The following CPVL variants were observed in gnomAD, a reference collection of about 807,000 sequenced individuals.
CPVL encodes carboxypeptidase vitellogenic like.
In CPVL, 51 loss-of-function variants were observed where a neutral mutation model predicts 63.7. The ratio of observed to expected loss-of-function variants is 0.80; its 90% CI spans 0.64 to 1.01. The LOEUF (loss-of-function observed/expected upper bound fraction) is 1.01. CPVL is among the 50% of genes least tolerant of loss of function. The probability of loss-of-function intolerance (pLI) is 0.00; values close to 1 mark genes in which losing one functional copy is unlikely to be tolerated. For synonymous variants in CPVL, 195 were observed against 206.0 expected (o/e 0.95, Z 0.46); for missense variants, 530 against 573.1 (o/e 0.92, Z 0.77).
At chr7:29,076,125 C>G (rs1784223171) in intron 7 of CPVL, among the ~76,000 whole-genome samples, 1 of 151,778 alleles carries the variant, frequency 6.6e-6, no homozygotes, top group African/African-American at 2.4e-5. Context: ...TTTATAGAAC[C>G]CCATATTTCA....
intron 1 of CPVL, among the ~76,000 whole-genome samples, chr7:29,144,163 A>C (rs569556997): frequency 6.6e-6 from 1 of 152,170 alleles, no homozygotes; most frequent in East Asian, 1.9e-4. Flanking sequence ...ACTTCTTTTA[A>C]ATGTTCTTAG....
chr7:29,106,849 A>G (rs116977180), intron 3 of CPVL, among the ~76,000 whole-genome samples: 3 of 152,260 alleles, frequency 2.0e-5, no homozygotes, highest in Non-Finnish European at 4.4e-5. Flanking sequence ...TCTCTCCAAA[A>G]CTTAATGGCT....
chr7:29,103,747 A>G (rs534202444), intron 3 of CPVL, among the ~76,000 whole-genome samples: 2 of 152,338 alleles, frequency 1.3e-5, no homozygotes, highest in Admixed American at 6.5e-5. Flanking sequence ...ACGCTTGGTT[A>G]GAGAAAACAG....
chr7:29,101,329 G>A (rs1052463891), intron 3 of CPVL, among the ~76,000 whole-genome samples: 2 of 152,168 alleles, frequency 1.3e-5, no homozygotes, highest in Non-Finnish European at 2.9e-5. Flanking sequence ...GGCTGGGCGC[G>A]GTGGCTCATG....
intron 11 of CPVL, among the ~76,000 whole-genome samples, chr7:29,061,523 T>G (rs1275981632): frequency 6.6e-6 from 1 of 152,202 alleles, no homozygotes; most frequent in Non-Finnish European, 1.5e-5. Context: ...AATATCAAAA[T>G]GCAGGATCAC....
At chr7:29,144,370 G>C (rs1792223072) in intron 1 of CPVL, among the ~76,000 whole-genome samples, 1 of 152,108 alleles carries the variant, frequency 6.6e-6, no homozygotes, top group Non-Finnish European at 1.5e-5. Flanking sequence ...AGACCAGCCT[G>C]GGCAACATGG....
rs555263823 is a variant in CPVL at position 29,189,668 on chromosome 7, T to C, written c.-447-3121A>G. On this transcript the variant is annotated intron_variant, in intron 1 of 16. Transcript: ENST00000409850. ...TTTCTCTTCAAACAGAAAGAAAAAC[T>C]CTCTCTCTCTCGGCCCCCCACCCCC... Among the ~76,000 whole-genome samples the C allele has an allele frequency of 9.9e-5, 15 of 151,734 alleles. No individual in the cohort carries two copies. In the South Asian group the frequency reaches 1.5e-3, roughly 15 times the overall value.
intron 3 of CPVL, among the ~76,000 whole-genome samples, chr7:29,099,439 T>C (rs55984130): frequency 0.011 from 1,622 of 152,196 alleles, 26 homozygotes; most frequent in African/African-American, 0.036. Context: ...AGGCTGGGTA[T>C]GGTGGCGCAT....
intron 3 of CPVL, among the ~76,000 whole-genome samples, chr7:29,097,619 C>G (rs1351849285): frequency 6.6e-6 from 1 of 152,148 alleles, no homozygotes; most frequent in Non-Finnish European, 1.5e-5. Flanking sequence ...TCCCTTGAAC[C>G]AGGGAGGCAG....
chr7:29,126,317 T>G (rs1362552987), intron 1 of CPVL: 2 of 152,192 alleles, frequency 1.3e-5, no homozygotes, highest in Admixed American at 1.3e-4. Flanking sequence ...AATCAGGCCT[T>G]CTTTTTTTCA....
chr7:29,109,981 C>CA (rs1298053957), intron 3 of CPVL, among the ~76,000 whole-genome samples: 5 of 152,164 alleles, frequency 3.3e-5, no homozygotes, highest in African/African-American at 1.2e-4. Flanking sequence ...GCCAAAGCAC[C>CA]ACCTACATTC....
intron 2 of CPVL, among the ~76,000 whole-genome samples, chr7:29,115,964 T>C (rs1166774321): frequency 6.6e-6 from 1 of 152,156 alleles, no homozygotes; most frequent in Non-Finnish European, 1.5e-5. Flanking sequence ...ACCTTTTACT[T>C]GAGTATGTTT....
chr7:29,052,343 C>G (rs1210438235), intron 11 of CPVL, among the ~76,000 whole-genome samples: 1 of 149,128 alleles, frequency 6.7e-6, no homozygotes, highest in Non-Finnish European at 1.5e-5. Flanking sequence ...TTCACACACC[C>G]AAATTGTGAA....
intron 6 of CPVL, among the ~76,000 whole-genome samples, chr7:29,090,728 A>C (rs1156642091): frequency 6.6e-6 from 1 of 152,250 alleles, no homozygotes; most frequent in Non-Finnish European, 1.5e-5. Context: ...ATTGTGACTA[A>C]ATAGCATATT....
At chr7:29,091,228 G>A (rs977512806) in intron 6 of CPVL, among the ~76,000 whole-genome samples, 4 of 152,198 alleles carry the variant, frequency 2.6e-5, no homozygotes, top group Admixed American at 6.5e-5. Flanking sequence ...CCATATGGAG[G>A]GGCAACTGGA....
intron 11 of CPVL, among the ~76,000 whole-genome samples, chr7:29,031,181 G>T (rs895281637): frequency 6.6e-6 from 1 of 152,148 alleles, no homozygotes; most frequent in African/African-American, 2.4e-5. Context: ...TTTCTCTTGG[G>T]TATTGCTAAT....
chr7:29,007,202 T>C (rs960571421), intron 12 of CPVL, among the ~76,000 whole-genome samples: 6 of 152,196 alleles, frequency 3.9e-5, no homozygotes, highest in Non-Finnish European at 1.5e-5. Flanking sequence ...CCTCAATAAA[T>C]AGATTTGCTA....
intron 12 of CPVL, among the ~76,000 whole-genome samples, chr7:29,001,677 A>G (rs1004594747): frequency 1.3e-5 from 2 of 152,124 alleles, no homozygotes; most frequent in African/African-American, 2.4e-5. Context: ...CCCACTGTAC[A>G]CCTCTGGTGT....
upstream of CPVL, among the ~76,000 whole-genome samples, chr7:29,148,849 AGT>A (rs1295404121): frequency 1.3e-5 from 2 of 152,186 alleles, no homozygotes; most frequent in Non-Finnish European, 1.5e-5. Context: ...GGGCTGATAA[AGT>A]GTGTGTGTGG....
Sources: allele counts gnomAD v4.1 joint callset (sites outside exome capture counted in the v4.1 genomes callset), GRCh38; gene constraint gnomAD v4.1.1; transcripts MANE v1.5; gene names NCBI Gene and HGNC (gene_info 2026-07-23, HGNC 2026-07-21).